SLC38A2: variants seen among roughly 807,000 people sequenced by gnomAD.
SLC38A2 encodes the protein sodium-coupled neutral amino acid symporter 2.
Under a neutral mutation model 61.5 loss-of-function variants are expected in SLC38A2, and 11 were observed. The ratio of observed to expected loss-of-function variants is 0.18; its 90% confidence interval spans 0.11 to 0.30. The LOEUF (loss-of-function observed/expected upper bound fraction) is 0.30, where lower values mean the gene tolerates loss of function less well. SLC38A2 is among the 10% of genes least tolerant of loss of function. The pLI, the probability that SLC38A2 is intolerant of heterozygous loss-of-function variation, is 1.00. For synonymous variants in SLC38A2, 217 were observed against 212.5 expected (o/e 1.02, Z -0.18); for missense variants, 522 against 600.4 (o/e 0.87, Z 1.36).
At chr12:46,363,683 TTTTTG>T (rs1204467646) in intron 12 of SLC38A2, 38 bp downstream of exon 12, 12 of 1,291,308 alleles carry the variant, frequency 9.3e-6, no homozygotes, top group South Asian at 3.0e-5. Flanking sequence ...TAAGCGTTTT[TTTTTG>T]TTTTTGTTTT....
At chr12:46,365,688 A>C (rs962180483) in intron 7 of SLC38A2, among the ~76,000 whole-genome samples, 3 of 152,130 alleles carry the variant, frequency 2.0e-5, no homozygotes, top group Non-Finnish European at 2.9e-5. Flanking sequence ...TAAAATGCAC[A>C]GGCAAACTGC....
At chr12:46,369,991 T>C (rs1222997600) in intron 4 of SLC38A2, among the ~76,000 whole-genome samples, 1 of 152,098 alleles carries the variant, frequency 6.6e-6, no homozygotes, top group East Asian at 1.9e-4. Context: ...CTTTTCAGGG[T>C]CCAGAAAATT....
chr12:46,359,930 T>C lies in SLC38A2; in HGVS notation c.*1181A>G, dbSNP rs746234892. On this transcript the variant is annotated 3_prime_UTR_variant, in exon 16 of 16. Coordinates refer to ENST00000256689, the MANE Select transcript of SLC38A2 (RefSeq NM_018976.5). Reference sequence around the variant, plus strand: ...CAGTGGCCTACGCAAAGAGAACTTATATCATATCAAACATAGGTGTAACCT... The same window carrying C: ...CAGTGGCCTACGCAAAGAGAACTTACATCATATCAAACATAGGTGTAACCT... 1 of 152,656 alleles carries C rather than the reference T, an allele frequency of 6.6e-6. No individual in the cohort carries two copies. Among genetic ancestry groups the C allele is most frequent in the African/African-American group, 2.4e-5 (1 of 41,458 alleles). The allele number at this position is 152,656 out of a possible 1,614,324, so 9.5% of individuals were successfully genotyped here.
intron 4 of SLC38A2, among the ~76,000 whole-genome samples, chr12:46,368,133 G>A (rs56222195): frequency 0.055 from 8,420 of 152,024 alleles, 651 homozygotes; most frequent in East Asian, 0.24. Flanking sequence ...GAAAGAAAAG[G>A]AAAAGAATGG....
At position 46,368,363 on chromosome 12, in the gene SLC38A2, C is replaced by T. The variant is rs1012531527; in HGVS notation, c.315-1023G>A. The stretch of plus-strand genomic sequence containing the variant: ...GTCTCTAAGCCTTTCCTCCCTTGAC[C>T]CTTTCACTTGGATTGAGCAACAGAA... On this transcript the variant is annotated intron_variant, in intron 4 of 15. Transcript: ENST00000256689. Among the ~76,000 whole-genome samples, 36 of 152,112 alleles carry T rather than the reference C, an allele frequency of 2.4e-4. 1 individual carries two copies. The highest frequency in any genetic ancestry group is 8.4e-4 in the African/African-American group (35 of 41,468).
rs540255128 is a variant in SLC38A2, at chr12:46,371,469, T to A, written c.-86-90A>T. ...CCGGAGGCGCAGCGCGGCTGATTCA[T>A]CCCAGGCCAGGCGAGTGGAAAAGTA... is the stretch of plus-strand genomic sequence containing the variant. On this transcript the variant is annotated intron_variant, in intron 1 of 15. Transcript: ENST00000256689. 6.7e-5 allele frequency: 39 copies of A among 586,444 alleles called. 1 individual carries two copies. The highest frequency in any genetic ancestry group is 5.5e-4 in the South Asian group (27 of 49,432). The allele number at this position is 586,444 out of a possible 1,614,324, so 36.3% of individuals were successfully genotyped here.
rs1032185666 is a variant in SLC38A2, at chr12:46,363,092, T to G, written c.1108A>C (p.Ile370Leu). The G allele has an allele frequency of 2.5e-6, 4 of 1,613,078 alleles. No individual in the cohort carries two copies. Among genetic ancestry groups the G allele is most frequent in the East Asian group, 4.5e-5 (2 of 44,852 alleles). The change falls in exon 13 of 16, where the codon ATT becomes CTT. Residue 370 changes from isoleucine to leucine, a missense_variant. Ile to Leu is a conservative substitution (Grantham distance 5). Transcript: ENST00000256689. ...GCCAGACGGACAATGAGAAGAAGAA[T>G]ATCAGTTCCCAAGATAGAAGAGTAG... is the stretch of plus-strand genomic sequence containing the variant. ...HTYSSILGTDILLLIVRLAVL... is the reference protein window; with the variant it reads ...HTYSSILGTDLLLLIVRLAVL...
chr12:46,360,553 T>C lies in SLC38A2; in HGVS notation c.*558A>G, dbSNP rs1943070341. The C allele has an allele frequency of 6.6e-6, 1 of 152,292 alleles. No homozygotes were observed. The highest frequency in any genetic ancestry group is 6.5e-5 in the Admixed American group (1 of 15,282). The allele number at this position is 152,292 out of a possible 1,614,324, so 9.4% of individuals were successfully genotyped here. The stretch of plus-strand genomic sequence containing the variant: ...CATTTCATTATATTAATATTCATTT[T>C]TAAATACCAATGACATTATTTTATG... On this transcript the variant is annotated 3_prime_UTR_variant, in exon 16 of 16. Transcript: ENST00000256689.
At position 46,372,708 on chromosome 12, in the gene SLC38A2, C is replaced by T. The variant is rs184962497; in HGVS notation, c.-286G>A. The T allele has an allele frequency of 5.0e-6, 2 of 398,494 alleles. No individual in the cohort carries two copies. Among genetic ancestry groups the T allele is most frequent in the Non-Finnish European group, 8.9e-6 (2 of 225,964 alleles). 24.7% of individuals were successfully genotyped at this position (398,494 alleles called of 1,614,324 possible). A position where few individuals can be genotyped will look rare whatever the true frequency, so the allele number is the denominator to read the frequency against. ...AGGGAAAGGCGCGAGCGTGCGGTAA[C>T]GCGTGGTCGGGCTGCTGCTAGCAGT... On this transcript the variant is annotated 5_prime_UTR_variant, in exon 1 of 16. Coordinates refer to ENST00000256689, the MANE Select transcript of SLC38A2 (RefSeq NM_018976.5).
Position 46,367,156 on chromosome 12 carries a change from T to A in SLC38A2, c.401A>T (p.Tyr134Phe), listed in dbSNP as rs1187200514. The A allele has an allele frequency of 2.5e-6, 4 of 1,613,480 alleles. No homozygotes were observed. The African/African-American group carries it at 4.0e-5, about 16-fold the overall frequency. ...KTANEGGSLLYEQLGYKAFGL... is the reference protein window; with the variant it reads ...KTANEGGSLLFEQLGYKAFGL... ...AAATGCCTTATATCCCAATTGTTCA[T>A]ATAATAAAGACCCTACAATTTGAAG... is the stretch of plus-strand genomic sequence containing the variant. Residue 134 changes from tyrosine to phenylalanine, a missense_variant, in exon 6 of 16, where the codon TAT (tyrosine) becomes TTT (phenylalanine). Transcript: ENST00000256689.
At chr12:46,369,880 T>C (rs1943176721) in intron 4 of SLC38A2, among the ~76,000 whole-genome samples, 1 of 152,172 alleles carries the variant, frequency 6.6e-6, no homozygotes, top group Non-Finnish European at 1.5e-5. Flanking sequence ...GGGGGAACCA[T>C]TTAAAAATAA....
chr12:46,367,580 T>C (rs897158774), intron 4 of SLC38A2, among the ~76,000 whole-genome samples: 1 of 152,208 alleles, frequency 6.6e-6, no homozygotes, highest in Non-Finnish European at 1.5e-5. Flanking sequence ...GGAACAAGGA[T>C]GTCTACCCAC....
rs1418018129 is a variant in SLC38A2 at position 46,363,797 on chromosome 12, G to T, written c.983C>A (p.Ser328Tyr). 3 of 1,596,614 alleles carry T rather than the reference G, an allele frequency of 1.9e-6. No individual in the cohort carries two copies. The highest frequency in any genetic ancestry group is 2.6e-6 in the Non-Finnish European group (3 of 1,174,420). ...AAACATAGCAAAAAATGAAATCTTG[G>T]ACACATTCATCATTCTTCTACGGCT... ...DRSRRRMMNV[S>Y]KISFFAMFLM... is the part of the protein sequence containing the mutation. Residue 328 changes from serine to tyrosine, a missense_variant, in exon 12 of 16, where the codon TCC becomes TAC. Ser to Tyr is a moderately radical substitution (Grantham distance 144). Transcript: ENST00000256689.
Position 46,364,015 on chromosome 12 carries a change from C to A in SLC38A2, c.874-12G>T, listed in dbSNP as rs79296795. 1.3e-6 allele frequency: 2 copies of A among 1,593,922 alleles called. No individual in the cohort carries two copies. The highest frequency in any genetic ancestry group is 2.3e-5 in the South Asian group (2 of 86,908). On this transcript the variant is annotated splice_polypyrimidine_tract_variant and intron_variant, in intron 10 of 15. Transcript: ENST00000256689. The stretch of plus-strand genomic sequence containing the variant: ...ACAGCATAGACAGTCTGAAAGAAAA[C>A]GTAAAAATCTACTTAATCTGATGTA...
At chr12:46,371,475 GCCAGGCGAGTGGAAAAGTA>G (rs1455733378) in intron 1 of SLC38A2, 96 bp from the exon 2 acceptor site, 1 of 571,560 alleles carries the variant, frequency 1.7e-6, no homozygotes, top group African/African-American at 2.0e-5. Flanking sequence ...TTCATCCCAG[GCCAGGCGAGTGGAAAAGTA>G]CCAGCCGCGC....
intron 9 of SLC38A2, 22 bp downstream of exon 9, chr12:46,364,622 C>A: frequency 6.3e-7 from 1 of 1,595,570 alleles, no homozygotes; most frequent in Non-Finnish European, 8.5e-7. Flanking sequence ...AAAATTTTTT[C>A]TAAAAAAAAA....
Position 46,360,732 on chromosome 12 carries a change from T to G in SLC38A2, c.*379A>C, listed in dbSNP as rs1214868403. On this transcript the variant is annotated 3_prime_UTR_variant, in exon 16 of 16. Transcript: ENST00000256689. ...TATTTTGCTGTAAATTAAAAAGAATTGTTTCTCACATCAAATGGTTCCATT... is the reference window on the plus strand; with the variant it reads ...TATTTTGCTGTAAATTAAAAAGAATGGTTTCTCACATCAAATGGTTCCATT... 1 of 173,946 alleles carries G rather than the reference T, an allele frequency of 5.7e-6. No individual in the cohort carries two copies. The highest frequency in any genetic ancestry group is 6.3e-5 in the Admixed American group (1 of 15,930). The allele number at this position is 173,946 out of a possible 1,614,324, so 10.8% of individuals were successfully genotyped here.
rs547154291 is a variant in SLC38A2, at chr12:46,361,223, A to C, written c.1423-14T>G. ...GAAGAACAAAGCCTGCAAAGAGCAT[A>C]GAGAAAATTGATCAGCAAGTAATAA... On this transcript the variant is annotated splice_polypyrimidine_tract_variant and intron_variant, in intron 15 of 15. Transcript: ENST00000256689. 1 of 1,606,794 alleles carries C rather than the reference A, an allele frequency of 6.2e-7. No individual in the cohort carries two copies. Among genetic ancestry groups the C allele is most frequent in the East Asian group, 2.2e-5 (1 of 44,842 alleles).
chr12:46,363,244 C>T, intron 12 of SLC38A2, 99 bp from the exon 13 acceptor site: 2 of 1,310,936 alleles, frequency 1.5e-6, no homozygotes, highest in South Asian at 1.4e-5. Context: ...TAGCTACTCA[C>T]AAAACGACTA....
Sources: allele counts gnomAD v4.1 joint callset (sites outside exome capture counted in the v4.1 genomes callset), GRCh38; gene constraint gnomAD v4.1.1; transcripts MANE v1.5; gene names NCBI Gene and HGNC (gene_info 2026-07-23, HGNC 2026-07-21).